The following ATAD1 variants were observed in gnomAD, a reference collection of about 807,000 sequenced individuals.
ATAD1 encodes the protein ATPase family AAA domain containing 1.
ATAD1 carries 18 observed loss-of-function variants against 42.7 expected under a neutral mutation model. The observed-to-expected ratio is 0.42, with a 90% confidence interval of 0.29 to 0.63. The LOEUF (loss-of-function observed/expected upper bound fraction) is 0.63, where lower values mean the gene tolerates loss of function less well. ATAD1 is among the 20% of genes least tolerant of loss of function. The pLI is 0.19. For synonymous variants in ATAD1, 132 were observed against 143.1 expected, an observed-to-expected ratio of 0.92 and a Z score of 0.55; for missense variants, 294 against 440.4, an observed-to-expected ratio of 0.67 and a Z score of 2.98.
intron 2 of ATAD1, among the ~76,000 whole-genome samples, chr10:87,797,766 G>A (rs777242585): frequency 2.6e-5 from 4 of 152,230 alleles, no homozygotes; most frequent in African/African-American, 9.6e-5. Flanking sequence ...TTTCTCCTAC[G>A]AAGTTGTTAA....
intron 1 of ATAD1, among the ~76,000 whole-genome samples, chr10:87,823,816 G>A (rs1003200536): frequency 5.3e-5 from 8 of 152,076 alleles, no homozygotes; most frequent in African/African-American, 1.7e-4. Flanking sequence ...GCCCTTGAAA[G>A]TATTTAGAAA....
Position 87,765,375 on chromosome 10 carries a change from G to A in ATAD1, c.831+2298C>T, listed in dbSNP as rs940998561. Reference sequence around the variant, plus strand: ...CGTTATTCAATTATATGCAGTTATCGAGTTTTGGGAAAACAGGTAGCAAGA... The same window carrying A: ...CGTTATTCAATTATATGCAGTTATCAAGTTTTGGGAAAACAGGTAGCAAGA... On this transcript the variant is annotated intron_variant, in intron 8 of 9. Coordinates refer to ENST00000680024, the MANE Select transcript of ATAD1 (RefSeq NM_001321967.2). Among the ~76,000 whole-genome samples, 4 of 151,052 alleles carry A rather than the reference G, an allele frequency of 2.6e-5. No homozygotes were observed. The East Asian group carries it at 7.8e-4, about 30-fold the overall frequency.
intron 1 of ATAD1, among the ~76,000 whole-genome samples, chr10:87,839,629 G>T (rs1564793439): frequency 6.6e-6 from 1 of 152,168 alleles, no homozygotes; most frequent in Non-Finnish European, 1.5e-5. Context: ...CTCTAGAATA[G>T]ATCAGTGAGC....
At chr10:87,785,498 C>T (rs1855781910) in intron 4 of ATAD1, among the ~76,000 whole-genome samples, 1 of 150,864 alleles carries the variant, frequency 6.6e-6, no homozygotes, top group Non-Finnish European at 1.5e-5. Flanking sequence ...CATCTACAGA[C>T]AGCCCTAACA....
chr10:87,788,866 ATTC>A (rs1201653101), intron 4 of ATAD1, among the ~76,000 whole-genome samples: 1 of 152,214 alleles, frequency 6.6e-6, no homozygotes, highest in Admixed American at 6.5e-5. Flanking sequence ...TCAAATAATC[ATTC>A]AAAGTTTTTT....
intron 4 of ATAD1, 142 bp downstream of exon 4, chr10:87,790,168 C>A (rs1305985500): frequency 2.3e-6 from 2 of 866,536 alleles, no homozygotes; most frequent in Non-Finnish European, 1.7e-6. Flanking sequence ...GAAGAATGAG[C>A]AATTATTTTA....
chr10:87,778,195 A>C (rs1855400016), intron 5 of ATAD1, among the ~76,000 whole-genome samples: 1 of 150,502 alleles, frequency 6.6e-6, no homozygotes, highest in South Asian at 2.1e-4. Context: ...AAAAAAAAAA[A>C]AAAAACTCAA....
At chr10:87,818,322 C>G (rs1175373441), upstream of ATAD1, 1 of 938,998 alleles carries the variant, frequency 1.1e-6, no homozygotes, top group African/African-American at 1.8e-5. Flanking sequence ...GGGCGTGCTC[C>G]CAGGCTTAGA....
intron 5 of ATAD1, among the ~76,000 whole-genome samples, chr10:87,778,816 C>T (rs900058478): frequency 6.6e-6 from 1 of 151,982 alleles, no homozygotes; most frequent in African/African-American, 2.4e-5. Context: ...AGCAATTGGA[C>T]ATTCATCGGC....
chr10:87,818,212 A>T lies in ATAD1; in HGVS notation c.-59T>A, dbSNP rs925713972. 5 of 985,428 alleles carry T rather than the reference A, an allele frequency of 5.1e-6. No homozygotes were observed. The African/African-American group carries it at 7.0e-5, about 14-fold the overall frequency. The allele number at this position is 985,428 out of a possible 1,614,324, so 61.0% of individuals were successfully genotyped here. A position where few individuals can be genotyped will look rare whatever the true frequency, so the allele number is the denominator to read the frequency against. On this transcript the variant is annotated 5_prime_UTR_variant, in exon 1 of 10. Coordinates refer to ENST00000680024, the MANE Select transcript of ATAD1 (RefSeq NM_001321967.2). ...AGCAAGTGCCCTCAGCCGGCCTCACACAGGAAGGAAACGCAACCTGGGAGA... is the reference window on the plus strand; with the variant it reads ...AGCAAGTGCCCTCAGCCGGCCTCACTCAGGAAGGAAACGCAACCTGGGAGA...
In ATAD1 at chr10:87,838,100, AAC is replaced by A. The variant is rs558237983; in HGVS notation, c.-14+3085_-14+3086del. 9.2e-5 allele frequency among the ~76,000 whole-genome samples: 14 copies of A among 152,258 alleles called. No homozygotes were observed. The South Asian group carries it at 2.9e-3, about 32-fold the overall frequency. On this transcript the variant is annotated intron_variant, in intron 1 of 4. Transcript: ENST00000495903. The stretch of plus-strand genomic sequence containing the variant: ...TGATAGGGAAAAAACAAAAACAGAA[AAC>A]TCACTGCTTGTTCAGTAGTACTTTA...
At chr10:87,802,314 G>A (rs917086709) in intron 2 of ATAD1, among the ~76,000 whole-genome samples, 3 of 152,100 alleles carry the variant, frequency 2.0e-5, no homozygotes, top group African/African-American at 7.2e-5. Context: ...CCCTGTACAG[G>A]GTTTCTGACC....
intron 2 of ATAD1, among the ~76,000 whole-genome samples, chr10:87,806,539 TC>T (rs1856933362): frequency 6.6e-6 from 1 of 152,202 alleles, no homozygotes; most frequent in Non-Finnish European, 1.5e-5. Context: ...TATGTTTGAT[TC>T]CCTAAGGTTT....
intron 1 of ATAD1, among the ~76,000 whole-genome samples, chr10:87,838,248 T>G (rs1857963195): frequency 6.6e-6 from 1 of 152,092 alleles, no homozygotes; most frequent in Admixed American, 6.5e-5. Context: ...CAGGGTGGGC[T>G]GGGCGCGGTG....
At chr10:87,792,456 A>G (rs865944853) in intron 3 of ATAD1, among the ~76,000 whole-genome samples, 3 of 152,078 alleles carry the variant, frequency 2.0e-5, no homozygotes, top group African/African-American at 2.4e-5. Context: ...ACTTCATCCC[A>G]TGCCCCCTTC....
intron 5 of ATAD1, among the ~76,000 whole-genome samples, chr10:87,780,079 C>T (rs1589495964): frequency 6.6e-6 from 1 of 151,820 alleles, no homozygotes; most frequent in Non-Finnish European, 1.5e-5. Flanking sequence ...TTTTAATAGA[C>T]GAATGGAAAA....
chr10:87,763,951 T>C (rs1854615307), intron 8 of ATAD1, among the ~76,000 whole-genome samples: 1 of 151,988 alleles, frequency 6.6e-6, no homozygotes, highest in Non-Finnish European at 1.5e-5. Context: ...ATTCTAAAAT[T>C]TATGCAGAGA....
chr10:87,782,263 T>G (rs901247979), intron 5 of ATAD1, among the ~76,000 whole-genome samples: 4 of 152,190 alleles, frequency 2.6e-5, no homozygotes, highest in African/African-American at 9.7e-5. Context: ...CTGTATCATT[T>G]AAGAGAGAAA....
rs768045067 is a variant in ATAD1, at chr10:87,767,703, T to C, written c.801A>G (p.Ala267=). 1.2e-6 allele frequency: 2 copies of C among 1,611,002 alleles called. No homozygotes were observed. Among genetic ancestry groups the C allele is most frequent in the South Asian group, 1.1e-5 (1 of 90,110 alleles). The change falls in exon 8 of 10, where the codon GCA becomes GCG. Residue 267 remains alanine (A), a synonymous_variant. Coordinates refer to ENST00000680024, the MANE Select transcript of ATAD1 (RefSeq NM_001321967.2). ...CATTTTTCAAGATGAGTTTCAGGAT[T>C]GCTTCTCTCTGTTTTAAAGCCTAAA... ...INQPALKQRE[A]ILKLILKNEN...
Sources: allele counts gnomAD v4.1 joint callset (sites outside exome capture counted in the v4.1 genomes callset), GRCh38; gene constraint gnomAD v4.1.1; transcripts MANE v1.5; gene names NCBI Gene and HGNC (gene_info 2026-07-23, HGNC 2026-07-21).